Variants in NLGN1 observed in about 807,000 individuals in gnomAD.
NLGN1 encodes neuroligin-1.
Under a neutral mutation model 65.5 loss-of-function variants are expected in NLGN1, and 12 were observed. That is an observed-to-expected ratio of 0.18 (90% CI 0.12 to 0.30). The LOEUF (loss-of-function observed/expected upper bound fraction) is 0.30, where lower values mean the gene tolerates loss of function less well. Ranked by LOEUF, NLGN1 falls within the 10% of genes least tolerant of loss-of-function variation. NLGN1 has a pLI of 1.00. For missense variants in NLGN1, 750 were observed against 1,007.1 expected (o/e 0.74, Z 3.46); for synonymous variants, 350 against 359.5 (o/e 0.97, Z 0.30).
chr3:173,777,443 C>T (rs554965983), intron 3 of NLGN1, among the ~76,000 whole-genome samples: 23 of 151,954 alleles, frequency 1.5e-4, no homozygotes, highest in African/African-American at 2.6e-4. Flanking sequence ...TACATTTATA[C>T]ATTATGTAAT....
rs754357556 is a variant in NLGN1, at chr3:174,279,199, G to A, written c.1198G>A (p.Val400Ile). 33 of 1,613,200 alleles carry A rather than the reference G, an allele frequency of 2.0e-5. No homozygotes were observed. The highest frequency in any genetic ancestry group is 2.5e-5 in the Non-Finnish European group (29 of 1,179,548). The change falls in exon 6 of 7, where the codon GTA becomes ATA. Residue 400 changes from valine (V) to isoleucine (I), a missense_variant. By Grantham distance (29) the Val-to-Ile change is conservative. Coordinates refer to ENST00000457714, the Ensembl canonical transcript of NLGN1. The surrounding 1 kb of genome is among the most constrained non-coding windows in gnomAD (Gnocchi z 4.7). The stretch of plus-strand genomic sequence containing the variant: ...AGGGTTAAAATTTGTTGAAAATATA[G>A]TAGATAGCGATGATGGTATATCAGC...
chr3:174,080,899 T>C (rs568392786), intron 4 of NLGN1, among the ~76,000 whole-genome samples: 2 of 149,472 alleles, frequency 1.3e-5, no homozygotes, highest in East Asian at 3.9e-4. Context: ...ATCATTTGAA[T>C]TTGATGGTCG....
Position 173,525,018 on chromosome 3 carries a change from C to G in NLGN1, c.-320-79261C>G, listed in dbSNP as rs910024653. 2.0e-5 allele frequency among the ~76,000 whole-genome samples: 3 copies of G among 152,090 alleles called. 1 individual carries two copies. The highest frequency in any genetic ancestry group is 7.2e-5 in the African/African-American group (3 of 41,428). ...TTGTCTTTTCATCAGGGATATTGTC[C>G]TACAGTTTTTTGTTGCTGTTGTGTT... On this transcript the variant is annotated intron_variant, in intron 2 of 6. Coordinates refer to ENST00000457714, the Ensembl canonical transcript of NLGN1.
At chr3:174,278,731 A>AAT (rs1751041492) in intron 5 of NLGN1, 130 bp from the exon 6 acceptor site, 1 of 704,518 alleles carries the variant, frequency 1.4e-6, no homozygotes, top group African/African-American at 1.8e-5. Context: ...CCTTAAGAAA[A>AAT]ATATCTCTAA....
chr3:173,420,669 G>A (rs1204562529), intron 1 of NLGN1, among the ~76,000 whole-genome samples: 1 of 152,140 alleles, frequency 6.6e-6, no homozygotes, highest in Non-Finnish European at 1.5e-5. Flanking sequence ...CTTCCACAAT[G>A]GTTGAACTAG....
chr3:174,115,413 T>G (rs1056042017), intron 4 of NLGN1, among the ~76,000 whole-genome samples: 3 of 152,182 alleles, frequency 2.0e-5, no homozygotes, highest in African/African-American at 7.2e-5. Flanking sequence ...TTAGGTTCTA[T>G]CCCTGGTTCT....
At chr3:174,292,292 C>A in the NLGN1 span, among the ~76,000 whole-genome samples, 1 of 151,256 alleles carries the variant, frequency 6.6e-6, no homozygotes, top group East Asian at 2.0e-4. Context: ...GTAAAAAATT[C>A]ACCACGCACA....
intron 4 of NLGN1, among the ~76,000 whole-genome samples, chr3:173,861,614 A>G (rs1294589564): frequency 1.3e-5 from 2 of 151,458 alleles, no homozygotes; most frequent in African/African-American, 4.8e-5. Flanking sequence ...ATATATACAT[A>G]TAATTACAAC....
intron 3 of NLGN1, among the ~76,000 whole-genome samples, chr3:173,731,453 T>C (rs1390295325): frequency 6.6e-6 from 1 of 152,104 alleles, no homozygotes; most frequent in African/African-American, 2.4e-5. Context: ...CCCACTAATA[T>C]TGTGAGTTTC....
At chr3:173,731,609 T>C (rs990428974) in intron 3 of NLGN1, among the ~76,000 whole-genome samples, 2 of 152,106 alleles carry the variant, frequency 1.3e-5, no homozygotes, top group Non-Finnish European at 2.9e-5. Flanking sequence ...CCACAATTAC[T>C]GCTTCCTTTT....
intron 4 of NLGN1, among the ~76,000 whole-genome samples, chr3:173,846,312 A>T (rs1396474204): frequency 3.3e-5 from 5 of 152,206 alleles, no homozygotes; most frequent in Non-Finnish European, 5.9e-5. Flanking sequence ...ACAAGGTCTC[A>T]GTAGATAATG....
At chr3:173,560,088 C>T (rs919647804) in intron 2 of NLGN1, among the ~76,000 whole-genome samples, 9 of 151,930 alleles carry the variant, frequency 5.9e-5, no homozygotes, top group East Asian at 5.8e-4. Flanking sequence ...GGACTACAGG[C>T]GCCTGCCACC....
intron 2 of NLGN1, among the ~76,000 whole-genome samples, chr3:173,599,874 A>G (rs1750141914): frequency 6.6e-6 from 1 of 152,110 alleles, no homozygotes; most frequent in Admixed American, 6.6e-5. Flanking sequence ...TCACCCTATG[A>G]GCATCTTGCC....
intron 3 of NLGN1, among the ~76,000 whole-genome samples, chr3:173,655,597 T>C (rs1224999639): frequency 6.6e-6 from 1 of 152,076 alleles, no homozygotes; most frequent in South Asian, 2.1e-4. Flanking sequence ...ACTTCAAACC[T>C]CTAGTTCTCT....
chr3:174,238,781 A>G (rs1285546263), intron 4 of NLGN1, among the ~76,000 whole-genome samples: 1 of 152,192 alleles, frequency 6.6e-6, no homozygotes, highest in African/African-American at 2.4e-5. Context: ...TAGTATGTCT[A>G]TATTTGTTTT....
intron 4 of NLGN1, among the ~76,000 whole-genome samples, chr3:174,042,306 AGGTATCC>A (rs1732515140): frequency 6.6e-6 from 1 of 152,152 alleles, no homozygotes; most frequent in African/African-American, 2.4e-5. Context: ...CAAGCCATAC[AGGTATCC>A]CCCTGCATTT....
chr3:173,743,263 C>G (rs564762690), intron 3 of NLGN1, among the ~76,000 whole-genome samples: 1 of 152,248 alleles, frequency 6.6e-6, no homozygotes, highest in African/African-American at 2.4e-5. Context: ...TATTTAAAAT[C>G]ATGCAAGCAT....
chr3:173,565,958 T>A (rs944992587), intron 2 of NLGN1, among the ~76,000 whole-genome samples: 2 of 152,184 alleles, frequency 1.3e-5, no homozygotes, highest in Non-Finnish European at 2.9e-5. Context: ...TTCCATTAAT[T>A]GTAAATAGAG....
chr3:173,922,562 A>G (rs759689349), intron 4 of NLGN1, among the ~76,000 whole-genome samples: 1 of 152,050 alleles, frequency 6.6e-6, no homozygotes, highest in African/African-American at 2.4e-5. Context: ...TTCATCCCAA[A>G]TGAGTTTTGG....
Sources: allele counts gnomAD v4.1 joint callset (sites outside exome capture counted in the v4.1 genomes callset), GRCh38; gene constraint gnomAD v4.1.1; non-coding constraint Gnocchi (gnomAD v3.1); transcripts MANE v1.5; gene names NCBI Gene and HGNC (gene_info 2026-07-23, HGNC 2026-07-21).